XPO4: variants seen among roughly 807,000 people sequenced by gnomAD.
XPO4 encodes the protein exportin-4.
Under a neutral mutation model 143.0 loss-of-function variants are expected in XPO4, and 39 were observed. That is an observed-to-expected ratio of 0.27 (90% confidence interval 0.21 to 0.36). XPO4 has a LOEUF of 0.36. Ranked by LOEUF, XPO4 falls within the 10% of genes least tolerant of loss-of-function variation. The pLI is 1.00. For missense variants in XPO4, 907 were observed against 1,348.0 expected, an observed-to-expected ratio of 0.67 and a Z score of 5.12; for synonymous variants, 439 against 474.0, an observed-to-expected ratio of 0.93 and a Z score of 0.96.
intron 2 of XPO4, among the ~76,000 whole-genome samples, chr13:20,866,677 C>T (rs538206429): frequency 2.0e-5 from 3 of 152,294 alleles, no homozygotes; most frequent in Admixed American, 2.0e-4. Flanking sequence ...TAGTCAGTGT[C>T]TCAAAACCCA....
At position 20,796,846 on chromosome 13, in the gene XPO4, T is replaced by C; in HGVS notation, c.2534A>G (p.Tyr845Cys). 8 of 1,614,142 alleles carry C rather than the reference T, an allele frequency of 5.0e-6. No individual in the cohort carries two copies. The highest frequency in any genetic ancestry group is 6.8e-6 in the Non-Finnish European group (8 of 1,179,998). ...ATTGACAGTCTCTGGGGTATTCTTG[T>C]AAACTTCCATCAATCCAATGCAATT... ...LTNCIGLMEVYKNTPETVNLI... is the reference protein window; with the variant it reads ...LTNCIGLMEVCKNTPETVNLI... Residue 845 changes from tyrosine (Y) to cysteine (C), a missense_variant, in exon 17 of 23, where the codon TAC (tyrosine) becomes TGC (cysteine). Tyr to Cys is a radical substitution (Grantham distance 194). Transcript: ENST00000255305.
At chr13:20,849,326 T>C (rs2060060854) in intron 4 of XPO4, 1 of 985,324 alleles carries the variant, frequency 1.0e-6, no homozygotes, top group African/African-American at 1.7e-5. Context: ...AGTGAATTTC[T>C]CACCCACTTC....
intron 2 of XPO4, chr13:20,865,668 T>C (rs1329634468): frequency 6.8e-6 from 6 of 882,464 alleles, no homozygotes; most frequent in Admixed American, 6.2e-5. Context: ...AAGCACTACA[T>C]TCTGACCAAA....
chr13:20,859,611 CA>C (rs1217701997), intron 3 of XPO4, among the ~76,000 whole-genome samples: 6 of 140,282 alleles, frequency 4.3e-5, no homozygotes, highest in South Asian at 4.6e-4. Context: ...AAAAACAAAC[CA>C]AAAAAAATAC....
rs1479921646 is a variant in XPO4, at chr13:20,832,524, T to C, written c.728-5345A>G. Among the ~76,000 whole-genome samples, 5 of 152,222 alleles carry C rather than the reference T, an allele frequency of 3.3e-5. No homozygotes were observed. In the East Asian group the frequency reaches 7.7e-4, roughly 23 times the overall value. On this transcript the variant is annotated intron_variant, in intron 6 of 22. Transcript: ENST00000255305. ...ATATAGAAAGATCTTGTAGCAACAA[T>C]GGGCATTTCACATAAGTAATAAATG...
At chr13:20,784,892 T>C (rs576316045) in intron 22 of XPO4, among the ~76,000 whole-genome samples, 1 of 152,008 alleles carries the variant, frequency 6.6e-6, no homozygotes, top group African/African-American at 2.4e-5. Context: ...CAGTGAGCCA[T>C]GGTTGCTCCA....
At chr13:20,859,426 C>T (rs533350259) in intron 3 of XPO4, among the ~76,000 whole-genome samples, 33 of 152,114 alleles carry the variant, frequency 2.2e-4, no homozygotes, top group Non-Finnish European at 4.4e-4. Flanking sequence ...CAGTGAAACC[C>T]CGTCTCTACT....
intron 20 of XPO4, 113 bp from the exon 21 acceptor site, chr13:20,787,711 C>A (rs2059224152): frequency 2.6e-6 from 2 of 767,532 alleles, no homozygotes; most frequent in Non-Finnish European, 2.1e-6. Context: ...AATACAGATA[C>A]ACAAGTAGAC....
intron 1 of XPO4, among the ~76,000 whole-genome samples, chr13:20,876,478 C>T (rs148323724): frequency 1.4e-4 from 22 of 151,956 alleles, no homozygotes; most frequent in Middle Eastern, 3.4e-3. Flanking sequence ...GAACAACTGG[C>T]AATTTCTAAG....
chr13:20,849,106 G>A, intron 4 of XPO4: 1 of 985,402 alleles, frequency 1.0e-6, no homozygotes, highest in Non-Finnish European at 1.2e-6. Flanking sequence ...ACTAACTCCA[G>A]CTGACAAAAT....
Position 20,790,551 on chromosome 13 carries a change from G to T in XPO4, c.2827C>A (p.Gln943Lys). 1 of 1,614,128 alleles carries T rather than the reference G, an allele frequency of 6.2e-7. No homozygotes were observed. The highest frequency in any genetic ancestry group is 1.1e-5 in the South Asian group (1 of 91,070). Residue 943 changes from glutamine (Q) to lysine (K), a missense_variant, in exon 19 of 23, where the codon CAA becomes AAA. Gln to Lys is a moderately conservative substitution (Grantham distance 53, BLOSUM62 1). Transcript: ENST00000255305. ...GCTGACACAGATCTGTTTGCTGCTT[G>T]ACCTGGCTCATGTCCTCTAAACACT... is the stretch of plus-strand genomic sequence containing the variant. ...DEVFRGHEPG[Q>K]AANRSVSAAD...
chr13:20,825,740 G>C (rs1189591357), intron 7 of XPO4, among the ~76,000 whole-genome samples: 1 of 152,158 alleles, frequency 6.6e-6, no homozygotes, highest in Non-Finnish European at 1.5e-5. Context: ...GATGAGGCAG[G>C]CAACGGAATT....
At chr13:20,895,586 C>T (rs140820023) in intron 1 of XPO4, among the ~76,000 whole-genome samples, 69 of 151,232 alleles carry the variant, frequency 4.6e-4, no homozygotes, top group African/African-American at 1.6e-3. Flanking sequence ...GAGCCGAGAT[C>T]GCACCATTGC....
At chr13:20,849,065 G>C (rs2060058016) in intron 4 of XPO4, 5 of 985,370 alleles carry the variant, frequency 5.1e-6, no homozygotes, top group Non-Finnish European at 6.0e-6. Context: ...TTACTCACCA[G>C]CTTACTGTCA....
At chr13:20,856,176 T>A (rs1318967443) in intron 3 of XPO4, 1 of 278,586 alleles carries the variant, frequency 3.6e-6, no homozygotes, top group African/African-American at 2.3e-5. Context: ...AAGATTAAGA[T>A]TCCACTAGTC....
intron 1 of XPO4, among the ~76,000 whole-genome samples, chr13:20,884,421 GATCCAATCCA>G (rs890909130): frequency 4.5e-4 from 69 of 152,004 alleles, no homozygotes; most frequent in African/African-American, 1.3e-3. Context: ...GATCCGATCC[GATCCAATCCA>G]ATCCAATCCA....
At chr13:20,900,534 TAAGA>T (rs1279307881) in intron 1 of XPO4, among the ~76,000 whole-genome samples, 2 of 152,188 alleles carry the variant, frequency 1.3e-5, no homozygotes, top group East Asian at 3.8e-4. Context: ...GCTTTCATAT[TAAGA>T]AATAATACAA....
chr13:20,861,441 A>G (rs1045387637), intron 3 of XPO4, among the ~76,000 whole-genome samples: 1 of 151,546 alleles, frequency 6.6e-6, no homozygotes, highest in African/African-American at 2.4e-5. Flanking sequence ...GACTACAGGC[A>G]TGCACTACCA....
chr13:20,889,143 G>A (rs946997571), intron 1 of XPO4, among the ~76,000 whole-genome samples: 1 of 149,754 alleles, frequency 6.7e-6, no homozygotes, highest in South Asian at 2.1e-4. Flanking sequence ...TCTTCAATGC[G>A]GTAGCCACTA....
Sources: allele counts gnomAD v4.1 joint callset (sites outside exome capture counted in the v4.1 genomes callset), GRCh38; gene constraint gnomAD v4.1.1; transcripts MANE v1.5; gene names NCBI Gene and HGNC (gene_info 2026-07-23, HGNC 2026-07-21).